The following LRRC4C variants were observed in gnomAD, a reference collection of about 807,000 sequenced individuals.
LRRC4C encodes leucine-rich repeat-containing protein 4C.
A neutral mutation model predicts 33.6 loss-of-function variants in LRRC4C; 5 were observed. That is an observed-to-expected ratio of 0.15 (90% CI 0.08 to 0.31). The LOEUF (loss-of-function observed/expected upper bound fraction) is 0.31. LRRC4C is among the 10% of genes least tolerant of loss of function. The pLI is 1.00. For missense variants in LRRC4C, 560 were observed against 796.7 expected (o/e 0.70, Z 3.58); for synonymous variants, 329 against 302.0 (o/e 1.09, Z -0.93).
intron 2 of LRRC4C, among the ~76,000 whole-genome samples, chr11:40,837,291 C>T (rs189853798): frequency 5.3e-5 from 8 of 152,032 alleles, no homozygotes; most frequent in Admixed American, 1.3e-4. Context: ...AATCAATCCC[C>T]GCTATATTAA....
At chr11:40,640,216 GC>G (rs1694069454) in intron 3 of LRRC4C, among the ~76,000 whole-genome samples, 1 of 152,020 alleles carries the variant, frequency 6.6e-6, no homozygotes, top group Non-Finnish European at 1.5e-5. Context: ...TATTTTATTA[GC>G]TTTTATATTT....
intron 3 of LRRC4C, among the ~76,000 whole-genome samples, chr11:40,388,800 AG>A (rs1165658364): frequency 1.3e-5 from 2 of 152,188 alleles, no homozygotes; most frequent in Non-Finnish European, 2.9e-5. Flanking sequence ...TATGCCATCA[AG>A]TCTCATCTCT....
intron 2 of LRRC4C, among the ~76,000 whole-genome samples, chr11:40,870,764 A>G (rs1276689176): frequency 6.6e-6 from 1 of 152,154 alleles, no homozygotes; most frequent in Admixed American, 6.6e-5. Context: ...AACTGCACAA[A>G]TTGTTTGTAG....
chr11:40,930,786 A>G lies in LRRC4C; in HGVS notation c.-407+2849T>C, dbSNP rs534266040. Among the ~76,000 whole-genome samples, 18 of 152,348 alleles carry G rather than the reference A, an allele frequency of 1.2e-4. No homozygotes were observed. The South Asian group carries it at 3.5e-3, about 30-fold the overall frequency. On this transcript the variant is annotated intron_variant, in intron 2 of 6. Transcript: ENST00000528697. ...GCAATAGCATTTACATCCAAGTCTA[A>G]AAATGGGTTACATTCAAGACTTTTT...
At chr11:40,944,236 G>A (rs576502023) in intron 1 of LRRC4C, among the ~76,000 whole-genome samples, 23 of 152,076 alleles carry the variant, frequency 1.5e-4, no homozygotes, top group East Asian at 1.4e-3. Flanking sequence ...AAAAACCCAA[G>A]CTAAAAACAT....
chr11:40,750,004 T>A (rs1340934578), intron 2 of LRRC4C, among the ~76,000 whole-genome samples: 2 of 152,200 alleles, frequency 1.3e-5, no homozygotes, highest in East Asian at 3.9e-4. Context: ...AAGTATTACA[T>A]CAAAGAAAAG....
In LRRC4C at chr11:40,994,971, C is replaced by G. The variant is rs554583114; in HGVS notation, c.-495-61248G>C. Among the ~76,000 whole-genome samples the G allele has an allele frequency of 1.6e-4, 25 of 152,148 alleles. No individual in the cohort carries two copies. The South Asian group carries it at 4.1e-3, about 25-fold the overall frequency. On this transcript the variant is annotated intron_variant, in intron 1 of 6. Transcript: ENST00000528697. ...AAAATGTGACTTCTTTACACAGACACGCAGCAAAAATGGCCAGAGGTGAAA... is the reference window on the plus strand; with the variant it reads ...AAAATGTGACTTCTTTACACAGACAGGCAGCAAAAATGGCCAGAGGTGAAA...
At chr11:40,429,005 T>A (rs1283704624) in intron 3 of LRRC4C, among the ~76,000 whole-genome samples, 1 of 152,156 alleles carries the variant, frequency 6.6e-6, no homozygotes, top group Non-Finnish European at 1.5e-5. Flanking sequence ...GTTGGAAAAT[T>A]GGGTGGTTTT....
intron 1 of LRRC4C, among the ~76,000 whole-genome samples, chr11:41,113,307 T>C: frequency 6.6e-6 from 1 of 152,034 alleles, no homozygotes; most frequent in Non-Finnish European, 1.5e-5. Flanking sequence ...ATGAATAAGA[T>C]GATTTTACTT....
chr11:40,510,248 G>A (rs1955246775), intron 3 of LRRC4C, among the ~76,000 whole-genome samples: 1 of 149,338 alleles, frequency 6.7e-6, no homozygotes, highest in South Asian at 2.1e-4. Flanking sequence ...ATTTCTTAAA[G>A]TTTCAAATAG....
chr11:40,213,987 G>A (rs1314168266), intron 5 of LRRC4C, among the ~76,000 whole-genome samples: 1 of 152,020 alleles, frequency 6.6e-6, no homozygotes, highest in East Asian at 1.9e-4. Context: ...GCTAGAAAAT[G>A]GCAATAAGAG....
At chr11:40,929,479 A>G (rs1260868004) in intron 2 of LRRC4C, among the ~76,000 whole-genome samples, 1 of 152,214 alleles carries the variant, frequency 6.6e-6, no homozygotes. Flanking sequence ...AACACAAAAA[A>G]TTAAATGGGG....
intron 5 of LRRC4C, among the ~76,000 whole-genome samples, chr11:40,174,047 G>T (rs1860267208): frequency 6.6e-6 from 1 of 152,060 alleles, no homozygotes; most frequent in Non-Finnish European, 1.5e-5. Context: ...TTTTTCAAAA[G>T]CCCCACCTAA....
intron 2 of LRRC4C, among the ~76,000 whole-genome samples, chr11:40,682,674 G>A (rs537861928): frequency 2.0e-5 from 3 of 151,796 alleles, no homozygotes; most frequent in East Asian, 3.9e-4. Flanking sequence ...ACTTGGGAGA[G>A]GCATGAGAAT....
intron 1 of LRRC4C, among the ~76,000 whole-genome samples, chr11:41,189,308 C>T (rs1945841576): frequency 6.6e-6 from 1 of 151,898 alleles, no homozygotes; most frequent in South Asian, 2.1e-4. Flanking sequence ...GCAGTTAAGA[C>T]AAGTAAAAAA....
chr11:40,696,773 T>TATATATATA (rs61554945), intron 2 of LRRC4C, among the ~76,000 whole-genome samples: 1 of 132,616 alleles, frequency 7.5e-6, no homozygotes. Flanking sequence ...TATATATATA[T>TATATATATA]ATCTGAGTAT....
intron 1 of LRRC4C, among the ~76,000 whole-genome samples, chr11:40,994,969 C>T (rs1853860712): frequency 6.6e-6 from 1 of 152,092 alleles, no homozygotes; most frequent in African/African-American, 2.4e-5. Flanking sequence ...TTTACACAGA[C>T]ACGCAGCAAA....
chr11:40,927,809 A>G (rs937132034), intron 2 of LRRC4C, among the ~76,000 whole-genome samples: 1 of 152,170 alleles, frequency 6.6e-6, no homozygotes, highest in African/African-American at 2.4e-5. Context: ...TGCTTTTGAC[A>G]TATTATAGTT....
intron 6 of LRRC4C, among the ~76,000 whole-genome samples, chr11:40,126,411 C>A (rs1472468570): frequency 2.6e-5 from 4 of 152,070 alleles, no homozygotes; most frequent in Admixed American, 1.3e-4. Context: ...AAAACAACAA[C>A]AACAATGTGG....
Sources: gnomAD v4.1 joint callset for allele counts (sites outside exome capture counted in the v4.1 genomes callset) on GRCh38, gnomAD v4.1.1 for gene constraint, MANE v1.5 for transcripts, NCBI Gene and HGNC (gene_info 2026-07-23, HGNC 2026-07-21) for gene names.